LRBA: variants seen among roughly 807,000 people sequenced by gnomAD.
LRBA encodes the protein lipopolysaccharide-responsive and beige-like anchor protein.
A neutral mutation model predicts 330.0 loss-of-function variants in LRBA; 176 were observed. The observed-to-expected ratio is 0.53, with a 90% CI of 0.47 to 0.60. LRBA has a LOEUF of 0.60. LRBA is among the 20% of genes least tolerant of loss of function. The probability of loss-of-function intolerance (pLI) is 0.00; values close to 1 mark genes in which losing one functional copy is unlikely to be tolerated. For missense variants in LRBA, 3,259 were observed against 3,444.8 expected, an observed-to-expected ratio of 0.95 and a Z score of 1.35; for synonymous variants, 1,230 against 1,193.0, an observed-to-expected ratio of 1.03 and a Z score of -0.64.
At chr4:150,364,276 G>C (rs1312719592) in intron 47 of LRBA, among the ~76,000 whole-genome samples, 1 of 152,194 alleles carries the variant, frequency 6.6e-6, no homozygotes, top group Non-Finnish European at 1.5e-5. Context: ...TTAACATTTA[G>C]TGAGTATTTA....
intron 30 of LRBA, among the ~76,000 whole-genome samples, chr4:150,819,480 G>C (rs1745109565): frequency 6.6e-6 from 1 of 151,510 alleles, no homozygotes; most frequent in African/African-American, 2.4e-5. Flanking sequence ...AAATATTTAA[G>C]AGTGAAGTGA....
intron 40 of LRBA, among the ~76,000 whole-genome samples, chr4:150,559,913 A>ATATCTATATAAAT (rs1561352796): frequency 1.0e-4 from 7 of 67,802 alleles, no homozygotes; most frequent in African/African-American, 4.1e-4. Context: ...AATTATATAT[A>ATATCTATATAAAT]ATATATAAAT....
At chr4:150,413,962 C>CCCACT (rs965389613) in intron 47 of LRBA, among the ~76,000 whole-genome samples, 18 of 31,596 alleles carry the variant, frequency 5.7e-4, no homozygotes, top group Non-Finnish European at 8.7e-4. Flanking sequence ...GTCTTCATCT[C>CCCACT]TCAATCACAG....
chr4:150,726,932 A>G (rs1403343895), intron 36 of LRBA, among the ~76,000 whole-genome samples: 1 of 151,570 alleles, frequency 6.6e-6, no homozygotes, highest in Non-Finnish European at 1.5e-5. Flanking sequence ...AATAATAGCT[A>G]GACACATCAA....
At chr4:150,686,603 A>C (rs1783649452) in intron 36 of LRBA, among the ~76,000 whole-genome samples, 1 of 152,192 alleles carries the variant, frequency 6.6e-6, no homozygotes. Flanking sequence ...AAATAGTACG[A>C]AATGACAGAC....
At chr4:150,649,481 G>A (rs1779511325) in intron 37 of LRBA, among the ~76,000 whole-genome samples, 1 of 152,126 alleles carries the variant, frequency 6.6e-6, no homozygotes, top group Non-Finnish European at 1.5e-5. Flanking sequence ...TGCATCGCAT[G>A]GTCATATATC....
intron 40 of LRBA, among the ~76,000 whole-genome samples, chr4:150,503,336 G>A (rs925145553): frequency 3.3e-5 from 5 of 152,168 alleles, no homozygotes; most frequent in Admixed American, 6.5e-5. Context: ...ACACGGCCGG[G>A]TACTCCCCTG....
chr4:150,695,446 A>T (rs1434425452), intron 36 of LRBA, among the ~76,000 whole-genome samples: 1 of 152,062 alleles, frequency 6.6e-6, no homozygotes, highest in Non-Finnish European at 1.5e-5. Context: ...TTTCAGCCTC[A>T]TGAGTAACTG....
At chr4:150,501,041 T>C (rs1417821865) in intron 40 of LRBA, among the ~76,000 whole-genome samples, 1 of 152,226 alleles carries the variant, frequency 6.6e-6, no homozygotes, top group Non-Finnish European at 1.5e-5. Context: ...ATGCTCACAT[T>C]TGCCTTCAGA....
chr4:150,593,021 T>C (rs1416731937), intron 38 of LRBA, among the ~76,000 whole-genome samples: 1 of 152,174 alleles, frequency 6.6e-6, no homozygotes, highest in Admixed American at 6.5e-5. Flanking sequence ...AAATCACTTA[T>C]ATTTCAAGTA....
intron 47 of LRBA, among the ~76,000 whole-genome samples, chr4:150,411,737 GC>G (rs1472529639): frequency 2.0e-5 from 3 of 152,174 alleles, no homozygotes; most frequent in African/African-American, 7.2e-5. Flanking sequence ...CTGTCTGGCT[GC>G]CTGACGGGCT....
chr4:150,726,035 C>A (rs1729621024), intron 36 of LRBA, among the ~76,000 whole-genome samples: 1 of 151,918 alleles, frequency 6.6e-6, no homozygotes, highest in Non-Finnish European at 1.5e-5. Context: ...AATCATACCA[C>A]CAGAGAAAAC....
chr4:150,534,520 T>C (rs1304981289), intron 40 of LRBA, among the ~76,000 whole-genome samples: 2 of 151,986 alleles, frequency 1.3e-5, no homozygotes, highest in South Asian at 2.1e-4. Flanking sequence ...TTACCTGTCA[T>C]AGTTACATTA....
intron 36 of LRBA, among the ~76,000 whole-genome samples, chr4:150,699,359 T>C (rs943104662): frequency 6.6e-6 from 1 of 152,074 alleles, no homozygotes; most frequent in Non-Finnish European, 1.5e-5. Context: ...CTTCTATCAT[T>C]GCAAGGCCCA....
At position 150,583,665 on chromosome 4, in the gene LRBA, G is replaced by A. The variant is rs752442954; in HGVS notation, c.6330+4383C>T. The A allele has an allele frequency of 2.5e-6, 4 of 1,613,840 alleles. No homozygotes were observed. Among genetic ancestry groups the A allele is most frequent in the South Asian group, 1.1e-5 (1 of 91,048 alleles). ...AGGCCGAAGGGTTCAACTTGCTCTC[G>A]AAGGAGTGCTACTCGCTGACCGGCA... On this transcript the variant is annotated intron_variant, in intron 40 of 56. Coordinates refer to ENST00000651943, the MANE Select transcript of LRBA (RefSeq NM_001364905.1). The surrounding 1 kb of genome is among the most constrained non-coding windows in gnomAD (Gnocchi z 9.8).
At chr4:150,793,019 G>A (rs1451781937) in intron 34 of LRBA, among the ~76,000 whole-genome samples, 1 of 151,988 alleles carries the variant, frequency 6.6e-6, no homozygotes, top group Non-Finnish European at 1.5e-5. Context: ...GGCGGAGGTT[G>A]CAGTGAGCCA....
intron 40 of LRBA, among the ~76,000 whole-genome samples, chr4:150,508,047 G>A (rs1292220844): frequency 7.3e-6 from 1 of 136,798 alleles, no homozygotes; most frequent in Non-Finnish European, 1.5e-5. Flanking sequence ...ATGGACACAG[G>A]AAGGGGAACA....
intron 38 of LRBA, among the ~76,000 whole-genome samples, chr4:150,595,228 T>G (rs1413525992): frequency 2.0e-5 from 3 of 151,818 alleles, no homozygotes; most frequent in African/African-American, 7.2e-5. Flanking sequence ...AAACTGACTC[T>G]GTAAAAATTA....
chr4:150,827,990 T>C (rs1303078868), intron 30 of LRBA, among the ~76,000 whole-genome samples, 190 bp downstream of exon 30: 1 of 152,130 alleles, frequency 6.6e-6, no homozygotes, highest in African/African-American at 2.4e-5. Flanking sequence ...ACAATCAAAA[T>C]ATGTGTGAAT....
Sources: gnomAD v4.1 joint callset for allele counts (sites outside exome capture counted in the v4.1 genomes callset) on GRCh38, gnomAD v4.1.1 for gene constraint, Gnocchi (gnomAD v3.1) non-coding constraint, MANE v1.5 for transcripts, NCBI Gene and HGNC (gene_info 2026-07-23, HGNC 2026-07-21) for gene names.